The following PTPRD variants were observed in gnomAD, a reference collection of about 807,000 sequenced individuals.
PTPRD encodes protein tyrosine phosphatase receptor type D.
In PTPRD, 34 loss-of-function variants were observed where a neutral mutation model predicts 214.5. The ratio of observed to expected loss-of-function variants is 0.16; its 90% confidence interval spans 0.12 to 0.21. The LOEUF is 0.21. Among genes scored for constraint, PTPRD ranks in the 10% least tolerant of loss-of-function variants. PTPRD has a pLI of 1.00. For synonymous variants in PTPRD, 1,128 were observed against 845.7 expected, an observed-to-expected ratio of 1.33 and a Z score of -5.79; for missense variants, 2,545 against 2,398.7, an observed-to-expected ratio of 1.06 and a Z score of -1.27.
At chr9:10,329,341 G>T (rs984027804) in intron 3 of PTPRD, among the ~76,000 whole-genome samples, 1 of 151,778 alleles carries the variant, frequency 6.6e-6, no homozygotes, top group African/African-American at 2.4e-5. Flanking sequence ...AAAGCGAACT[G>T]GGAATTAAAA....
chr9:9,892,651 C>G (rs1043574598), intron 5 of PTPRD, among the ~76,000 whole-genome samples: 2 of 151,730 alleles, frequency 1.3e-5, no homozygotes, highest in Admixed American at 6.6e-5. Flanking sequence ...TTAAAGGATC[C>G]TAAAATCTGC....
chr9:9,947,350 T>C (rs1388641574), intron 4 of PTPRD, among the ~76,000 whole-genome samples: 4 of 52,474 alleles, frequency 7.6e-5, no homozygotes, highest in Non-Finnish European at 1.2e-4. Flanking sequence ...ATATATAATA[T>C]ATATTATATA....
intron 11 of PTPRD, among the ~76,000 whole-genome samples, chr9:8,793,340 T>A (rs1001177697): frequency 6.6e-6 from 1 of 152,114 alleles, no homozygotes; most frequent in African/African-American, 2.4e-5. Flanking sequence ...GGTTCCTTGG[T>A]CCAAAATGGA....
At chr9:8,628,581 G>A (rs578138732) in intron 14 of PTPRD, among the ~76,000 whole-genome samples, 2 of 148,312 alleles carry the variant, frequency 1.3e-5, no homozygotes, top group Admixed American at 6.8e-5. Context: ...TGATTTCATC[G>A]CTAATCCAAG....
chr9:9,665,535 GAA>G (rs1245394194), intron 7 of PTPRD, among the ~76,000 whole-genome samples: 1 of 151,624 alleles, frequency 6.6e-6, no homozygotes, highest in African/African-American at 2.4e-5. Flanking sequence ...ATTCAGTTAA[GAA>G]AACTGAGGTT....
rs1822425489 is a variant in PTPRD at position 8,317,104 on chromosome 9, GTAA to G, written c.*767_*769del. ...CTTTCTCACCAATCAAAACTGAAGT[GTAA>G]AATTAATATATCTGACGAGACTGAT... On this transcript the variant is annotated 3_prime_UTR_variant, in exon 46 of 46. Coordinates refer to ENST00000381196, the MANE Select transcript of PTPRD (RefSeq NM_002839.4). The G allele has an allele frequency of 4.3e-6, 1 of 231,672 alleles. No homozygotes were observed. The highest frequency in any genetic ancestry group is 8.6e-6 in the Non-Finnish European group (1 of 116,944). The allele number at this position is 231,672 out of a possible 1,614,324, so 14.4% of individuals were successfully genotyped here. A position where few individuals can be genotyped will look rare whatever the true frequency, so the allele number is the denominator to read the frequency against.
chr9:9,705,197 A>G, intron 7 of PTPRD, among the ~76,000 whole-genome samples: 1 of 152,210 alleles, frequency 6.6e-6, no homozygotes, highest in South Asian at 2.1e-4. Flanking sequence ...CATATGACAG[A>G]TAATATTTCA....
At chr9:9,508,051 A>T (rs917470563) in intron 8 of PTPRD, among the ~76,000 whole-genome samples, 1 of 151,588 alleles carries the variant, frequency 6.6e-6, no homozygotes, top group South Asian at 2.1e-4. Flanking sequence ...CACATAATTT[A>T]TGTGATATTT....
intron 13 of PTPRD, 135 bp downstream of exon 13, chr9:8,636,564 T>C: frequency 8.8e-7 from 1 of 1,140,956 alleles, no homozygotes. Context: ...AGTTACATTT[T>C]CCATCACTTG....
intron 5 of PTPRD, among the ~76,000 whole-genome samples, chr9:9,895,159 A>T (rs1321703008): frequency 6.6e-6 from 1 of 152,028 alleles, no homozygotes; most frequent in Non-Finnish European, 1.5e-5. Context: ...CTTTCCTTAC[A>T]AGTACTTGTT....
At chr9:10,541,483 T>TA (rs1260390929) in intron 2 of PTPRD, among the ~76,000 whole-genome samples, 3 of 151,988 alleles carry the variant, frequency 2.0e-5, no homozygotes, top group African/African-American at 7.2e-5. Flanking sequence ...TATTAAAGAG[T>TA]AAAAAATCAT....
At chr9:10,169,302 G>A (rs1329624670) in intron 3 of PTPRD, among the ~76,000 whole-genome samples, 2 of 151,056 alleles carry the variant, frequency 1.3e-5, no homozygotes, top group African/African-American at 2.4e-5. Flanking sequence ...GTGAAACCCC[G>A]TCTCTACTGA....
At chr9:8,485,142 C>T (rs978881063) in intron 29 of PTPRD, 85 bp downstream of exon 29, 2 of 1,142,896 alleles carry the variant, frequency 1.7e-6, no homozygotes, top group African/African-American at 1.6e-5. Context: ...ACAAAGTGGT[C>T]TGCTTGCTGT....
At chr9:9,073,769 C>T (rs939773241) in intron 10 of PTPRD, among the ~76,000 whole-genome samples, 3 of 152,108 alleles carry the variant, frequency 2.0e-5, no homozygotes, top group Non-Finnish European at 4.4e-5. Context: ...TCCTATTGTG[C>T]CTGTTTTTCT....
At chr9:8,695,849 A>C (rs1378980390) in intron 12 of PTPRD, among the ~76,000 whole-genome samples, 1 of 152,180 alleles carries the variant, frequency 6.6e-6, no homozygotes, top group Non-Finnish European at 1.5e-5. Context: ...TTAAGTTGGA[A>C]ATTACTGTAA....
At chr9:10,579,649 G>C (rs914547572) in intron 2 of PTPRD, among the ~76,000 whole-genome samples, 1 of 152,126 alleles carries the variant, frequency 6.6e-6, no homozygotes, top group African/African-American at 2.4e-5. Flanking sequence ...GGATTGCTGG[G>C]TCAAATAATA....
chr9:8,431,735 G>A (rs1191716443), intron 35 of PTPRD, among the ~76,000 whole-genome samples: 1 of 152,148 alleles, frequency 6.6e-6, no homozygotes, highest in African/African-American at 2.4e-5. Flanking sequence ...GCAGATTTGT[G>A]GATACCACAG....
intron 8 of PTPRD, among the ~76,000 whole-genome samples, chr9:9,427,998 A>C (rs201226360): frequency 6.6e-6 from 1 of 152,140 alleles, no homozygotes; most frequent in Non-Finnish European, 1.5e-5. Context: ...GAAGAAACTG[A>C]ATCAACTAAG....
intron 3 of PTPRD, among the ~76,000 whole-genome samples, chr9:10,237,963 T>C (rs967479993): frequency 6.6e-6 from 1 of 151,894 alleles, no homozygotes; most frequent in Non-Finnish European, 1.5e-5. Flanking sequence ...TTTTAAAATA[T>C]ATTCAAAAGT....
Sources: allele counts gnomAD v4.1 joint callset (sites outside exome capture counted in the v4.1 genomes callset), GRCh38; gene constraint gnomAD v4.1.1; transcripts MANE v1.5; gene names NCBI Gene and HGNC (gene_info 2026-07-23, HGNC 2026-07-21).